The following RGPD2 variants were observed in gnomAD, a reference collection of about 807,000 sequenced individuals.
RGPD2 encodes the protein RANBP2 like and GRIP domain containing 2.
Under a neutral mutation model 36.0 loss-of-function variants are expected in RGPD2, and 2 were observed. The ratio of observed to expected loss-of-function variants is 0.06; its 90% CI spans 0.02 to 0.17. The LOEUF (loss-of-function observed/expected upper bound fraction) is 0.17, where lower values mean the gene tolerates loss of function less well. RGPD2 is among the 10% of genes least tolerant of loss of function. RGPD2 has a pLI of 1.00. For missense variants in RGPD2, 40 were observed against 464.3 expected (o/e 0.09, Z 8.40); for synonymous variants, 19 against 163.8 (o/e 0.12, Z 6.75).
chr2:87,798,657 CA>C lies in RGPD2; in HGVS notation c.1064-484del, dbSNP rs1685780213. ...GATAATGAGGTCAGGAGATCAAGAC[CA>C]TCCTGGCTAACACAGTGAAACTCCG... On this transcript the variant is annotated intron_variant, in intron 8 of 22. Coordinates refer to ENST00000398146, the MANE Select transcript of RGPD2 (RefSeq NM_001078170.3). Among the ~76,000 whole-genome samples, 3 of 106,940 alleles carry C rather than the reference CA, an allele frequency of 2.8e-5. No homozygotes were observed. The South Asian group carries it at 9.9e-4, about 35-fold the overall frequency. 70.2% of individuals were successfully genotyped at this position (106,940 alleles called of 152,430 possible).
chr2:87,876,143 T>A, the RGPD2 span, among the ~76,000 whole-genome samples: 1 of 151,572 alleles, frequency 6.6e-6, no homozygotes, highest in African/African-American at 2.4e-5. Context: ...TATTTTATTT[T>A]ATTTCTCTTA....
chr2:87,871,757 C>T, the RGPD2 span, among the ~76,000 whole-genome samples: 1,170 of 150,112 alleles, frequency 7.8e-3, no homozygotes, highest in South Asian at 0.024. Context: ...CCCAGCTACT[C>T]GGGAGGCTGA....
the RGPD2 span, among the ~76,000 whole-genome samples, chr2:87,841,364 C>T: frequency 6.6e-6 from 1 of 152,110 alleles, no homozygotes; most frequent in African/African-American, 2.4e-5. Context: ...CCTGCAGAAC[C>T]CTGAGTCAAT....
the RGPD2 span, among the ~76,000 whole-genome samples, chr2:87,951,757 G>A: frequency 1.5e-5 from 2 of 136,868 alleles, no homozygotes; most frequent in African/African-American, 2.7e-5. Context: ...GCTAACTTTT[G>A]TATCTTTAGT....
chr2:87,861,003 A>T, the RGPD2 span, among the ~76,000 whole-genome samples: 12 of 152,092 alleles, frequency 7.9e-5, no homozygotes, highest in Non-Finnish European at 2.9e-5. Flanking sequence ...TAATTAATGT[A>T]TGTAAGGATG....
At chr2:87,769,238 A>ATT (rs1685041129) in intron 22 of RGPD2, among the ~76,000 whole-genome samples, 1 of 146,794 alleles carries the variant, frequency 6.8e-6, no homozygotes, top group Non-Finnish European at 1.5e-5. Context: ...AAAGTGCTGG[A>ATT]TTACAGGTGT....
chr2:87,920,405 G>T, the RGPD2 span, among the ~76,000 whole-genome samples: 1 of 145,084 alleles, frequency 6.9e-6, no homozygotes, highest in African/African-American at 2.6e-5. Context: ...GGGAAAAAAA[G>T]AAAAAAAAAA....
chr2:87,971,953 C>G, the RGPD2 span, among the ~76,000 whole-genome samples: 4 of 151,198 alleles, frequency 2.6e-5, no homozygotes, highest in African/African-American at 4.9e-5. Flanking sequence ...TCCCAGAACC[C>G]AACCACCCAA....
At chr2:87,791,837 TAAA>T (rs879026813) in intron 17 of RGPD2, among the ~76,000 whole-genome samples, 150 bp downstream of exon 17, 1 of 32,366 alleles carries the variant, frequency 3.1e-5, no homozygotes. Context: ...GACCCTGTCT[TAAA>T]AAAAAAAAAA....
the RGPD2 span, among the ~76,000 whole-genome samples, chr2:87,873,236 C>T: frequency 2.1e-5 from 3 of 141,734 alleles, no homozygotes; most frequent in South Asian, 6.5e-4. Flanking sequence ...TTTATCCTGT[C>T]TACTACTGAT....
At chr2:87,905,621 G>A in the RGPD2 span, among the ~76,000 whole-genome samples, 2 of 151,544 alleles carry the variant, frequency 1.3e-5, no homozygotes, top group African/African-American at 4.8e-5. Context: ...GAGGAGGGGT[G>A]GAATGGGGGC....
chr2:87,976,594 T>C, the RGPD2 span, among the ~76,000 whole-genome samples: 1 of 152,138 alleles, frequency 6.6e-6, no homozygotes, highest in Non-Finnish European at 1.5e-5. Flanking sequence ...CCTGGGTTCT[T>C]ATCTAGGTTG....
chr2:87,824,746 GC>G (rs1163253506), intron 1 of RGPD2, among the ~76,000 whole-genome samples: 1 of 94,942 alleles, frequency 1.1e-5, no homozygotes, highest in Non-Finnish European at 2.3e-5. Flanking sequence ...GGCCGAGGCC[GC>G]CGCCGCCGCC....
the RGPD2 span, among the ~76,000 whole-genome samples, chr2:87,845,768 T>C: frequency 6.6e-6 from 1 of 152,098 alleles, no homozygotes; most frequent in East Asian, 1.9e-4. Flanking sequence ...GCTATATTTT[T>C]AGTAATGCTT....
At chr2:87,986,068 C>T in the RGPD2 span, among the ~76,000 whole-genome samples, 69 of 151,382 alleles carry the variant, frequency 4.6e-4, 1 homozygote, top group South Asian at 5.8e-3. Context: ...CAAGCATTAC[C>T]TAACCCATCA....
the RGPD2 span, among the ~76,000 whole-genome samples, chr2:87,966,564 A>AAAAAT: frequency 7.6e-3 from 1,119 of 148,154 alleles, 15 homozygotes; most frequent in African/African-American, 0.022. Context: ...CAAAAGCAGA[A>AAAAAT]AAAATAAAAT....
Position 87,756,552 on chromosome 2 carries a change from C to T in RGPD2, c.*840G>A, listed in dbSNP as rs1446856621. ...GAATGTGAGCTCTATGATGGCCAAG[C>T]CTCTGGCTGCACTGTGCCCCGTGTG... On this transcript the variant is annotated 3_prime_UTR_variant, in exon 23 of 23. Transcript: ENST00000398146. 1 of 338,484 alleles carries T rather than the reference C, an allele frequency of 3.0e-6. No homozygotes were observed. Among genetic ancestry groups the T allele is most frequent in the Non-Finnish European group, 5.7e-6 (1 of 176,528 alleles). 21.0% of individuals were successfully genotyped at this position (338,484 alleles called of 1,614,324 possible).
chr2:87,988,541 A>ATTTTTT, the RGPD2 span, among the ~76,000 whole-genome samples: 318 of 54,152 alleles, frequency 5.9e-3, 14 homozygotes, highest in African/African-American at 0.012. Flanking sequence ...ATATATATAT[A>ATTTTTT]TTTTTTTTTT....
the RGPD2 span, among the ~76,000 whole-genome samples, chr2:87,842,507 C>T: frequency 1.4e-5 from 2 of 147,980 alleles, no homozygotes; most frequent in African/African-American, 5.1e-5. Context: ...TTACAAGGGA[C>T]GTGAAGGACC....
Sources: gnomAD v4.1 joint callset for allele counts (sites outside exome capture counted in the v4.1 genomes callset) on GRCh38, gnomAD v4.1.1 for gene constraint, MANE v1.5 for transcripts, NCBI Gene and HGNC (gene_info 2026-07-23, HGNC 2026-07-21) for gene names.